Variants in RNF32 observed in about 807,000 individuals in gnomAD.
RNF32 encodes the protein ring finger protein 32.
A neutral mutation model predicts 41.0 loss-of-function variants in RNF32; 36 were observed. The observed-to-expected ratio is 0.88, with a 90% CI of 0.67 to 1.16. The LOEUF is 1.16. Among genes scored for constraint, RNF32 ranks in the 50% most tolerant of loss-of-function variants. The pLI, the probability that RNF32 is intolerant of heterozygous loss-of-function variation, is 0.00. For synonymous variants in RNF32, 154 were observed against 160.9 expected (o/e 0.96, Z 0.32); for missense variants, 413 against 436.7 (o/e 0.95, Z 0.48).
chr7:156,657,729 A>G (rs963153211), intron 5 of RNF32, 156 bp downstream of exon 5: 36 of 713,920 alleles, frequency 5.0e-5, no homozygotes, highest in Non-Finnish European at 7.6e-5. Context: ...CTGCAGTACA[A>G]TTCATCCTAT....
intron 7 of RNF32, among the ~76,000 whole-genome samples, chr7:156,661,670 T>A (rs868172365): frequency 4.6e-5 from 7 of 152,222 alleles, no homozygotes; most frequent in South Asian, 2.1e-4. Flanking sequence ...TGTATACAGT[T>A]AACAGAAACG....
intron 7 of RNF32, among the ~76,000 whole-genome samples, chr7:156,662,997 A>G (rs1407534263): frequency 2.0e-5 from 3 of 151,772 alleles, no homozygotes; most frequent in Admixed American, 6.6e-5. Flanking sequence ...ACAGGCGCCC[A>G]CCACCATGCC....
intron 3 of RNF32, among the ~76,000 whole-genome samples, chr7:156,647,666 A>G (rs1798147855): frequency 6.6e-6 from 1 of 152,226 alleles, no homozygotes; most frequent in African/African-American, 2.4e-5. Context: ...TCTTTTTCAT[A>G]TAATGACTTC....
intron 7 of RNF32, among the ~76,000 whole-genome samples, chr7:156,675,295 C>T (rs1803605791): frequency 6.6e-6 from 1 of 152,204 alleles, no homozygotes; most frequent in Non-Finnish European, 1.5e-5. Context: ...GCTGTCTCCT[C>T]CCGGCTCCCT....
At chr7:156,646,524 C>T in intron 3 of RNF32, 2 of 1,291,712 alleles carry the variant, frequency 1.5e-6, no homozygotes, top group Middle Eastern at 4.3e-4. Context: ...CTGCAAAGAC[C>T]CTATTTCCAA....
At chr7:156,662,610 C>G (rs536268954) in intron 7 of RNF32, among the ~76,000 whole-genome samples, 3 of 151,618 alleles carry the variant, frequency 2.0e-5, no homozygotes, top group Non-Finnish European at 2.9e-5. Flanking sequence ...TGACCTGGGA[C>G]GTTGGTTTTC....
chr7:156,664,568 T>G (rs551454528), intron 7 of RNF32, among the ~76,000 whole-genome samples: 1 of 152,362 alleles, frequency 6.6e-6, no homozygotes, highest in South Asian at 2.1e-4. Context: ...TTGGTACAAG[T>G]GGAGAATTTC....
chr7:156,657,306 T>C, intron 4 of RNF32: 1 of 550,306 alleles, frequency 1.8e-6, no homozygotes. Flanking sequence ...TTTTAATAGT[T>C]AAATATCAAA....
intron 7 of RNF32, among the ~76,000 whole-genome samples, chr7:156,666,103 G>A (rs975613561): frequency 5.9e-5 from 9 of 152,162 alleles, no homozygotes; most frequent in African/African-American, 2.2e-4. Flanking sequence ...TCAATAGAAA[G>A]GAGGGCAAGG....
intron 7 of RNF32, among the ~76,000 whole-genome samples, chr7:156,673,371 T>C (rs1803016058): frequency 6.6e-6 from 1 of 152,228 alleles, no homozygotes; most frequent in South Asian, 2.1e-4. Context: ...TTTTACAATG[T>C]ATAGAGAACT....
intron 1 of RNF32, among the ~76,000 whole-genome samples, chr7:156,641,248 C>A (rs1441466067): frequency 6.6e-6 from 1 of 152,270 alleles, no homozygotes; most frequent in South Asian, 2.1e-4. Context: ...CACCAAGACC[C>A]TACGTAGGAT....
chr7:156,640,219 G>T, upstream of RNF32: 1 of 452,410 alleles, frequency 2.2e-6, no homozygotes, highest in Non-Finnish European at 4.4e-6. Context: ...GGGATCGGGG[G>T]ATCCCCCAGA....
At chr7:156,659,048 C>T (rs1800190262) in intron 7 of RNF32, 3 of 1,404,006 alleles carry the variant, frequency 2.1e-6, no homozygotes, top group Admixed American at 3.3e-5. Context: ...ACTTCCATGT[C>T]TACCCTTCCT....
At chr7:156,671,285 TTATG>T (rs1187592837) in intron 7 of RNF32, among the ~76,000 whole-genome samples, 19 of 152,284 alleles carry the variant, frequency 1.2e-4, no homozygotes, top group Non-Finnish European at 1.9e-4. Context: ...ACCAATCAGA[TTATG>T]TATGTGTTAC....
intron 6 of RNF32, 104 bp downstream of exon 6, chr7:156,658,356 T>C (rs1800060718): frequency 1.3e-6 from 2 of 1,558,484 alleles, no homozygotes; most frequent in Admixed American, 1.8e-5. Flanking sequence ...TTGGCCACCA[T>C]AATTTCCCCA....
At chr7:156,646,604 A>C in intron 3 of RNF32, 2 of 843,284 alleles carry the variant, frequency 2.4e-6, no homozygotes, top group Non-Finnish European at 3.3e-6. Context: ...CCAGTACATC[A>C]AGTATGTCCC....
At chr7:156,662,822 T>C (rs1800832307) in intron 7 of RNF32, among the ~76,000 whole-genome samples, 1 of 151,604 alleles carries the variant, frequency 6.6e-6, no homozygotes, top group Non-Finnish European at 1.5e-5. Flanking sequence ...ACTGAAAAGA[T>C]ATTAAATAAA....
chr7:156,661,107 G>A (rs1446880580), intron 7 of RNF32, among the ~76,000 whole-genome samples: 1 of 152,204 alleles, frequency 6.6e-6, no homozygotes, highest in Non-Finnish European at 1.5e-5. Context: ...ATGGCCTTAG[G>A]TCTTGTTTGT....
In RNF32 at chr7:156,658,170, T is replaced by C. The variant is rs771084571; in HGVS notation, c.493T>C (p.Cys165Arg). 1 of 1,614,122 alleles carries C rather than the reference T, an allele frequency of 6.2e-7. No homozygotes were observed. The highest frequency in any genetic ancestry group is 8.5e-7 in the Non-Finnish European group (1 of 1,179,948). The change falls in exon 6 of 9, where the codon TGT becomes CGT. Residue 165 changes from cysteine to arginine, a missense_variant. Transcript: ENST00000317955. ...AFEKFTNKKT[C>R]PLCRKNQYQT... is the part of the protein sequence containing the mutation. ...TGAAAAGTTCACAAATAAGAAAACCTGTCCTCTCTGTAGAAAGAACCAGTA... is the reference window on the plus strand; with the variant it reads ...TGAAAAGTTCACAAATAAGAAAACCCGTCCTCTCTGTAGAAAGAACCAGTA...
Sources: gnomAD v4.1 joint callset for allele counts (sites outside exome capture counted in the v4.1 genomes callset) on GRCh38, gnomAD v4.1.1 for gene constraint, MANE v1.5 for transcripts, NCBI Gene and HGNC (gene_info 2026-07-23, HGNC 2026-07-21) for gene names.